SPATA16: variants seen among roughly 807,000 people sequenced by gnomAD.
SPATA16 encodes the protein spermatogenesis associated 16.
SPATA16 carries 36 observed loss-of-function variants against 63.3 expected under a neutral mutation model. The observed-to-expected ratio is 0.57, with a 90% confidence interval of 0.44 to 0.75. The LOEUF (loss-of-function observed/expected upper bound fraction) is 0.75, where lower values mean the gene tolerates loss of function less well. SPATA16 is among the 30% of genes least tolerant of loss of function. The probability of loss-of-function intolerance (pLI) is 0.00; values close to 1 mark genes in which losing one functional copy is unlikely to be tolerated. For synonymous variants in SPATA16, 203 were observed against 216.7 expected (o/e 0.94, Z 0.56); for missense variants, 646 against 679.3 (o/e 0.95, Z 0.54).
At chr3:173,088,137 T>G (rs1387566951) in intron 2 of SPATA16, among the ~76,000 whole-genome samples, 3 of 145,722 alleles carry the variant, frequency 2.1e-5, no homozygotes, top group Non-Finnish European at 4.5e-5. Context: ...CAGGCTGAAC[T>G]GCAGTGGTGT....
chr3:172,924,643 T>A (rs1380093035), intron 7 of SPATA16, among the ~76,000 whole-genome samples: 3 of 152,226 alleles, frequency 2.0e-5, no homozygotes, highest in Non-Finnish European at 2.9e-5. Context: ...CATAAATGTG[T>A]CTGATTCTTG....
chr3:172,906,637 C>G (rs907944937), intron 10 of SPATA16, among the ~76,000 whole-genome samples: 1 of 152,202 alleles, frequency 6.6e-6, no homozygotes, highest in African/African-American at 2.4e-5. Flanking sequence ...GGGCTTTTAT[C>G]AAGAAAGAGT....
At chr3:172,991,787 C>G (rs571935536) in intron 4 of SPATA16, among the ~76,000 whole-genome samples, 16 of 152,118 alleles carry the variant, frequency 1.1e-4, no homozygotes, top group South Asian at 2.1e-4. Context: ...GGGACACAAG[C>G]AAGGCTGAAG....
At chr3:172,997,875 C>T (rs1303473814) in intron 4 of SPATA16, among the ~76,000 whole-genome samples, 1 of 152,076 alleles carries the variant, frequency 6.6e-6, no homozygotes, top group Non-Finnish European at 1.5e-5. Flanking sequence ...CATTGTATTG[C>T]TTTGGCTCTT....
chr3:173,099,509 A>C (rs1737440961), intron 2 of SPATA16, among the ~76,000 whole-genome samples: 1 of 152,170 alleles, frequency 6.6e-6, no homozygotes, highest in Non-Finnish European at 1.5e-5. Flanking sequence ...ATAAAGGTAG[A>C]CTACCGTACT....
At chr3:172,911,654 T>C (rs1054465763) in intron 10 of SPATA16, among the ~76,000 whole-genome samples, 2 of 152,226 alleles carry the variant, frequency 1.3e-5, no homozygotes, top group Non-Finnish European at 2.9e-5. Flanking sequence ...TGAGAGTGTC[T>C]TCTTCTTTAG....
At chr3:173,041,381 C>T (rs1438513723) in intron 3 of SPATA16, among the ~76,000 whole-genome samples, 1 of 152,140 alleles carries the variant, frequency 6.6e-6, no homozygotes, top group Non-Finnish European at 1.5e-5. Context: ...GAAACATTCT[C>T]TTCATTGAGC....
chr3:172,901,227 T>C (rs1463969718), intron 10 of SPATA16, among the ~76,000 whole-genome samples: 1 of 152,052 alleles, frequency 6.6e-6, no homozygotes, highest in Non-Finnish European at 1.5e-5. Context: ...GAGACAAGAG[T>C]CTCACTCTAT....
intron 2 of SPATA16, among the ~76,000 whole-genome samples, chr3:173,108,194 A>C (rs2108329967): frequency 6.6e-6 from 1 of 152,276 alleles, no homozygotes; most frequent in South Asian, 2.1e-4. Flanking sequence ...AAAGTTTCAG[A>C]GACACACACT....
intron 3 of SPATA16, among the ~76,000 whole-genome samples, chr3:173,021,175 A>G (rs2108277492): frequency 6.6e-6 from 1 of 152,342 alleles, no homozygotes; most frequent in East Asian, 1.9e-4. Context: ...GATGAGATGG[A>G]TCGACTGTAT....
intron 3 of SPATA16, among the ~76,000 whole-genome samples, chr3:173,029,420 TGTTTG>T (rs1735547727): frequency 6.6e-6 from 1 of 150,904 alleles, no homozygotes; most frequent in South Asian, 2.1e-4. Flanking sequence ...TTTTTTTGTT[TGTTTG>T]TTTTGTTGTT....
chr3:173,140,318 C>T (rs1332940187), intron 1 of SPATA16, among the ~76,000 whole-genome samples: 2 of 152,162 alleles, frequency 1.3e-5, no homozygotes, highest in Admixed American at 6.5e-5. Context: ...GCTTCAAAAA[C>T]AGAGAACTTT....
chr3:173,094,493 A>G (rs115413775), intron 2 of SPATA16, among the ~76,000 whole-genome samples: 6,243 of 152,228 alleles, frequency 0.041, 202 homozygotes, highest in Admixed American at 0.067. Context: ...GTACAAGGAG[A>G]GATTTCCCTA....
rs566686341 is a variant in SPATA16, at chr3:173,019,702, G to A, written c.759-127C>T. 1.7e-4 allele frequency: 143 copies of A among 840,168 alleles called. No homozygotes were observed. In the African/African-American group the frequency reaches 2.3e-3, roughly 13 times the overall value. 52.0% of individuals were successfully genotyped at this position (840,168 alleles called of 1,614,324 possible). On this transcript the variant is annotated intron_variant, in intron 3 of 10. Coordinates refer to ENST00000351008, the MANE Select transcript of SPATA16 (RefSeq NM_031955.6). ...TGTGTTTTTAAAGATACTAGTGAAA[G>A]GAGCCCTTCCCCGCCCCCCGTAATT...
intron 3 of SPATA16, 148 bp from the exon 4 acceptor site, chr3:173,019,723 T>C (rs1429895855): frequency 2.8e-6 from 2 of 705,716 alleles, no homozygotes; most frequent in Non-Finnish European, 4.9e-6. Flanking sequence ...CCGCCCCCCG[T>C]AATTGGCAAT....
chr3:173,113,634 C>T (rs59207552), intron 2 of SPATA16, among the ~76,000 whole-genome samples: 15,402 of 151,974 alleles, frequency 0.1, 1,042 homozygotes, highest in East Asian at 0.3. Flanking sequence ...TATCTAGTGA[C>T]TATGTTATGA....
chr3:172,907,442 T>G (rs1732267249), intron 10 of SPATA16, among the ~76,000 whole-genome samples: 1 of 152,178 alleles, frequency 6.6e-6, no homozygotes, highest in African/African-American at 2.4e-5. Flanking sequence ...CTTAACAGCT[T>G]AGAGTGCTTC....
intron 8 of SPATA16, among the ~76,000 whole-genome samples, chr3:172,920,780 T>C (rs1327986519): frequency 6.6e-6 from 1 of 152,190 alleles, no homozygotes; most frequent in Non-Finnish European, 1.5e-5. Flanking sequence ...TTAAGTATTG[T>C]TTAGAAATCT....
At chr3:173,089,134 G>A (rs1413881317) in intron 2 of SPATA16, among the ~76,000 whole-genome samples, 1 of 152,150 alleles carries the variant, frequency 6.6e-6, no homozygotes, top group Admixed American at 6.6e-5. Flanking sequence ...CTAAATAAGA[G>A]ATAGGTTCTC....
Sources: allele counts gnomAD v4.1 joint callset (sites outside exome capture counted in the v4.1 genomes callset), GRCh38; gene constraint gnomAD v4.1.1; transcripts MANE v1.5; gene names NCBI Gene and HGNC (gene_info 2026-07-23, HGNC 2026-07-21).